The following MDGA2 variants were observed in gnomAD, a reference collection of about 807,000 sequenced individuals.
MDGA2 encodes the protein MAM domain containing glycosylphosphatidylinositol anchor 2.
Under a neutral mutation model 117.8 loss-of-function variants are expected in MDGA2, and 40 were observed. The ratio of observed to expected loss-of-function variants is 0.34; its 90% CI spans 0.26 to 0.44. MDGA2 has a LOEUF of 0.44. Ranked by LOEUF, MDGA2 falls within the 20% of genes least tolerant of loss-of-function variation. The pLI, the probability that MDGA2 is intolerant of heterozygous loss-of-function variation, is 1.00. For missense variants in MDGA2, 1,123 were observed against 1,250.6 expected, an observed-to-expected ratio of 0.90 and a Z score of 1.54; for synonymous variants, 452 against 439.0, an observed-to-expected ratio of 1.03 and a Z score of -0.37.
chr14:47,052,251 T>C (rs538645940), intron 7 of MDGA2, among the ~76,000 whole-genome samples: 1 of 151,980 alleles, frequency 6.6e-6, no homozygotes, highest in African/African-American at 2.4e-5. Context: ...AGGAAGTATA[T>C]ATTGGGTATA....
chr14:46,872,258 C>T (rs1480254192), intron 14 of MDGA2, among the ~76,000 whole-genome samples: 3 of 151,996 alleles, frequency 2.0e-5, no homozygotes, highest in African/African-American at 7.2e-5. Flanking sequence ...TATTAGTTTA[C>T]ATCACATATA....
rs375931773 is a variant in MDGA2 at position 46,981,553 on chromosome 14, G to A, written c.1820-23910C>T. On this transcript the variant is annotated intron_variant, in intron 8 of 16. Transcript: ENST00000399232. ...ATGGCTAAGTTAAAGAAGATAAGGC[G>A]TAAATATATGAACCTTTAAATAATA... Among the ~76,000 whole-genome samples, 68 of 152,274 alleles carry A rather than the reference G, an allele frequency of 4.5e-4. No individual in the cohort carries two copies. The South Asian group carries it at 4.6e-3, about 10-fold the overall frequency.
intron 3 of MDGA2, among the ~76,000 whole-genome samples, chr14:47,182,613 C>T (rs1480063477): frequency 1.3e-5 from 2 of 152,262 alleles, no homozygotes; most frequent in African/African-American, 4.8e-5. Flanking sequence ...TGACACATTT[C>T]TATTGTTTAT....
At chr14:47,251,742 C>T in intron 2 of MDGA2, among the ~76,000 whole-genome samples, 1 of 152,088 alleles carries the variant, frequency 6.6e-6, no homozygotes. Context: ...GTAAAACAAT[C>T]TCACTCAAGA....
intron 5 of MDGA2, among the ~76,000 whole-genome samples, chr14:47,127,080 T>C (rs927075383): frequency 6.6e-6 from 1 of 152,152 alleles, no homozygotes; most frequent in African/African-American, 2.4e-5. Flanking sequence ...AACATATTGG[T>C]TTACAGAGAA....
intron 15 of MDGA2, among the ~76,000 whole-genome samples, chr14:46,852,692 C>A (rs1881108449): frequency 1.3e-5 from 2 of 151,800 alleles, no homozygotes; most frequent in Non-Finnish European, 2.9e-5. Flanking sequence ...CATGGAAAAA[C>A]CTCATAATAC....
At chr14:47,102,250 A>G (rs1325338149) in intron 5 of MDGA2, among the ~76,000 whole-genome samples, 1 of 151,514 alleles carries the variant, frequency 6.6e-6, no homozygotes, top group Non-Finnish European at 1.5e-5. Context: ...AAACCTGCCA[A>G]TTGCCTTGAA....
At chr14:47,553,596 T>C (rs1398381052) in intron 1 of MDGA2, among the ~76,000 whole-genome samples, 2 of 152,280 alleles carry the variant, frequency 1.3e-5, no homozygotes, top group East Asian at 3.9e-4. Context: ...GTTACTGACA[T>C]TTTGAAATAT....
intron 9 of MDGA2, among the ~76,000 whole-genome samples, chr14:46,955,877 T>C (rs900200231): frequency 3.9e-5 from 6 of 152,128 alleles, no homozygotes; most frequent in Non-Finnish European, 8.8e-5. Context: ...AGATTTGCTT[T>C]GTGCATTAAA....
At chr14:46,965,976 T>C (rs1290799585) in intron 8 of MDGA2, among the ~76,000 whole-genome samples, 1 of 149,246 alleles carries the variant, frequency 6.7e-6, no homozygotes, top group Non-Finnish European at 1.5e-5. Flanking sequence ...TCAATTAAAA[T>C]ATATGACTCT....
At chr14:47,481,226 T>C (rs1345212505) in intron 1 of MDGA2, among the ~76,000 whole-genome samples, 3 of 152,010 alleles carry the variant, frequency 2.0e-5, no homozygotes, top group African/African-American at 7.2e-5. Flanking sequence ...AAATCTGACT[T>C]GGCAAAGAAT....
At chr14:47,283,425 C>T (rs547087872) in intron 2 of MDGA2, among the ~76,000 whole-genome samples, 73 of 152,112 alleles carry the variant, frequency 4.8e-4, no homozygotes, top group Non-Finnish European at 8.4e-4. Flanking sequence ...TTTGGTGATA[C>T]GGTACACTTT....
At chr14:47,485,672 G>A (rs770889664) in intron 1 of MDGA2, among the ~76,000 whole-genome samples, 1 of 152,080 alleles carries the variant, frequency 6.6e-6, no homozygotes, top group South Asian at 2.1e-4. Context: ...TGGGCTCAGG[G>A]TCCCTGTGTG....
chr14:46,935,449 A>T (rs1012897126), intron 9 of MDGA2, among the ~76,000 whole-genome samples: 5 of 152,210 alleles, frequency 3.3e-5, no homozygotes, highest in Non-Finnish European at 5.9e-5. Context: ...TAAAAGAAGC[A>T]TAAATGTTAT....
At chr14:47,174,369 C>T (rs1449499549) in intron 3 of MDGA2, among the ~76,000 whole-genome samples, 1 of 152,138 alleles carries the variant, frequency 6.6e-6, no homozygotes, top group Non-Finnish European at 1.5e-5. Flanking sequence ...CACACCACAC[C>T]TATTCCAAAA....
chr14:47,661,519 T>C (rs908768261), intron 1 of MDGA2, among the ~76,000 whole-genome samples: 5 of 152,168 alleles, frequency 3.3e-5, no homozygotes, highest in African/African-American at 4.8e-5. Context: ...GACATGAATA[T>C]AGATATGCCT....
rs183874437 is a variant in MDGA2, at chr14:47,200,219, C to G, written c.595+17802G>C. ...AAGAAAGAACCTAATAGTGGAGAAG[C>G]CTTAGCACAAAAAAATCACCAATTA... On this transcript the variant is annotated intron_variant, in intron 3 of 16. Transcript: ENST00000399232. Among the ~76,000 whole-genome samples the G allele has an allele frequency of 5.7e-4, 86 of 151,914 alleles. No individual in the cohort carries two copies. In the Middle Eastern group the frequency reaches 0.01, roughly 18 times the overall value.
intron 1 of MDGA2, among the ~76,000 whole-genome samples, chr14:47,644,677 G>A (rs1897491579): frequency 6.6e-6 from 1 of 151,164 alleles, no homozygotes; most frequent in South Asian, 2.1e-4. Context: ...ATATTGTACT[G>A]TAAATTTGAA....
chr14:46,923,587 G>C lies in MDGA2; in HGVS notation c.2090-3427C>G, dbSNP rs192989448. Among the ~76,000 whole-genome samples, 352 of 152,114 alleles carry C rather than the reference G, an allele frequency of 2.3e-3. 4 individuals are homozygous for C. The highest frequency in any genetic ancestry group is 8.7e-3 in the South Asian group (42 of 4,824). The stretch of plus-strand genomic sequence containing the variant: ...TGATTAGTAATAAGTAATTGCTAAT[G>C]AGAAATAATTTTCAGTTGTTACGAT... On this transcript the variant is annotated intron_variant, in intron 9 of 16. Coordinates refer to ENST00000399232, the MANE Select transcript of MDGA2 (RefSeq NM_001113498.3).
Sources: allele counts gnomAD v4.1 joint callset (sites outside exome capture counted in the v4.1 genomes callset), GRCh38; gene constraint gnomAD v4.1.1; transcripts MANE v1.5; gene names NCBI Gene and HGNC (gene_info 2026-07-23, HGNC 2026-07-21).